The following EHBP1 variants were observed in gnomAD, a reference collection of about 807,000 sequenced individuals.
EHBP1 encodes EH domain-binding protein 1.
In EHBP1, 55 loss-of-function variants were observed where a neutral mutation model predicts 144.0. The ratio of observed to expected loss-of-function variants is 0.38; its 90% CI spans 0.31 to 0.48. The LOEUF is 0.48. Ranked by LOEUF, EHBP1 falls within the 20% of genes least tolerant of loss-of-function variation. The pLI is 0.98. For synonymous variants in EHBP1, 469 were observed against 472.7 expected (o/e 0.99, Z 0.10); for missense variants, 1,200 against 1,364.2 (o/e 0.88, Z 1.90).
At chr2:62,690,534 G>A (rs2033871651) in intron 1 of EHBP1, among the ~76,000 whole-genome samples, 1 of 152,094 alleles carries the variant, frequency 6.6e-6, no homozygotes, top group Non-Finnish European at 1.5e-5. Context: ...CTGCACTCCA[G>A]CCTGGGCGAC....
At chr2:62,826,849 T>G (rs2152618059) in intron 6 of EHBP1, among the ~76,000 whole-genome samples, 1 of 152,242 alleles carries the variant, frequency 6.6e-6, no homozygotes, top group South Asian at 2.1e-4. Flanking sequence ...AATTCTAACT[T>G]GACAAAATGA....
At chr2:62,912,091 T>A (rs2054267724) in intron 10 of EHBP1, among the ~76,000 whole-genome samples, 1 of 152,090 alleles carries the variant, frequency 6.6e-6, no homozygotes, top group African/African-American at 2.4e-5. Context: ...CTAGATAGAT[T>A]ATGTATGTTA....
At chr2:62,923,495 C>A (rs1446576580) in intron 10 of EHBP1, among the ~76,000 whole-genome samples, 2 of 152,174 alleles carry the variant, frequency 1.3e-5, no homozygotes, top group Admixed American at 1.3e-4. Context: ...GGCCCCATGC[C>A]CACAGCAAGA....
At chr2:62,752,249 C>T (rs1162101000) in intron 3 of EHBP1, among the ~76,000 whole-genome samples, 7 of 152,200 alleles carry the variant, frequency 4.6e-5, no homozygotes, top group Middle Eastern at 6.8e-3. Flanking sequence ...TACCCAGTAG[C>T]CATTCAGGAG....
intron 19 of EHBP1, among the ~76,000 whole-genome samples, chr2:63,019,852 G>GAAGGAAGGAAGGAAGGA (rs1380794000): frequency 7.8e-6 from 1 of 128,788 alleles, no homozygotes; most frequent in African/African-American, 2.9e-5. Context: ...AGGAAGGAAG[G>GAAGGAAGGAAGGAAGGA]AAGGAAGGAA....
chr2:62,910,360 AG>A (rs1177090167), intron 10 of EHBP1, among the ~76,000 whole-genome samples: 1 of 152,224 alleles, frequency 6.6e-6, no homozygotes, highest in African/African-American at 2.4e-5. Flanking sequence ...AGCCTTGGAA[AG>A]TTGTTGGATA....
rs189409664 is a variant in EHBP1 at position 62,883,821 on chromosome 2, G to A, written c.1185+9289G>A. Among the ~76,000 whole-genome samples, 220 of 152,132 alleles carry A rather than the reference G, an allele frequency of 1.4e-3. 1 individual carries two copies. Among genetic ancestry groups the A allele is most frequent in the African/African-American group, 5.1e-3 (210 of 41,532 alleles). On this transcript the variant is annotated intron_variant, in intron 10 of 22. Transcript: ENST00000431489. The stretch of plus-strand genomic sequence containing the variant: ...TCTACAAAAAAATTAAAATAAAAAC[G>A]TTAGCTGCGCATCATGGCTCACGCC...
chr2:62,683,320 T>C (rs1482993663), intron 1 of EHBP1, among the ~76,000 whole-genome samples: 3 of 152,180 alleles, frequency 2.0e-5, no homozygotes, highest in Non-Finnish European at 4.4e-5. Flanking sequence ...TTCATTGTCT[T>C]GGCTTGGGTC....
At chr2:62,768,313 A>G (rs1369783111) in intron 4 of EHBP1, among the ~76,000 whole-genome samples, 1 of 152,212 alleles carries the variant, frequency 6.6e-6, no homozygotes, top group African/African-American at 2.4e-5. Context: ...AATAAACACA[A>G]TTAGAAATGA....
chr2:62,705,501 T>TA (rs554315489), upstream of EHBP1, among the ~76,000 whole-genome samples: 524 of 150,974 alleles, frequency 3.5e-3, 5 homozygotes, highest in African/African-American at 9.5e-3. Context: ...TTTTTTTTTT[T>TA]AAAAAAAAGG....
chr2:62,835,260 C>G (rs1041767439), intron 7 of EHBP1, among the ~76,000 whole-genome samples: 1 of 152,022 alleles, frequency 6.6e-6, no homozygotes, highest in Non-Finnish European at 1.5e-5. Flanking sequence ...ATTTATATTA[C>G]TTTATTTATA....
At chr2:63,000,977 A>T (rs2059827104) in intron 19 of EHBP1, among the ~76,000 whole-genome samples, 1 of 152,210 alleles carries the variant, frequency 6.6e-6, no homozygotes. Flanking sequence ...ATGTAAGTTT[A>T]GTGCTAATGG....
intron 5 of EHBP1, among the ~76,000 whole-genome samples, chr2:62,773,193 T>A (rs1293343959): frequency 1.3e-5 from 2 of 152,216 alleles, no homozygotes; most frequent in Non-Finnish European, 1.5e-5. Flanking sequence ...TATTCTCACC[T>A]GGAAGATAGA....
At chr2:62,909,148 T>A (rs1261110478) in intron 10 of EHBP1, among the ~76,000 whole-genome samples, 1 of 152,136 alleles carries the variant, frequency 6.6e-6, no homozygotes, top group Non-Finnish European at 1.5e-5. Flanking sequence ...AAGTCTGGGC[T>A]TTTAGTGTAA....
At chr2:62,894,879 C>G (rs1302920291) in intron 10 of EHBP1, among the ~76,000 whole-genome samples, 2 of 150,656 alleles carry the variant, frequency 1.3e-5, no homozygotes, top group Non-Finnish European at 3.0e-5. Context: ...GATTGCCCCA[C>G]TGCACTGTAG....
At chr2:62,834,963 A>AT (rs963566079) in intron 7 of EHBP1, among the ~76,000 whole-genome samples, 7 of 152,050 alleles carry the variant, frequency 4.6e-5, no homozygotes, top group African/African-American at 1.2e-4. Flanking sequence ...TTTATAGTTT[A>AT]TTTTTTTAAA....
At chr2:62,949,532 A>C (rs905369056) in intron 13 of EHBP1, among the ~76,000 whole-genome samples, 4 of 152,242 alleles carry the variant, frequency 2.6e-5, no homozygotes, top group African/African-American at 9.6e-5. Context: ...AAATTGAAGG[A>C]TAAAGAATGT....
At chr2:62,751,313 C>A (rs1238940657) in intron 3 of EHBP1, among the ~76,000 whole-genome samples, 1 of 152,162 alleles carries the variant, frequency 6.6e-6, no homozygotes, top group African/African-American at 2.4e-5. Context: ...TTGAAACAGC[C>A]TTGCATTCCA....
rs764517183 is a variant in EHBP1 at position 62,942,943 on chromosome 2, A to C, written c.1364+47A>C. On this transcript the variant is annotated intron_variant, in intron 11 of 22. Coordinates refer to ENST00000431489, the MANE Select transcript of EHBP1 (RefSeq NM_001142616.3). ...TCCCTATATTTTGTAAGTGATAGAC[A>C]TTTTTGAAAAGAACATAAAATAATT... The C allele has an allele frequency of 1.5e-4, 198 of 1,331,592 alleles. 1 individual carries two copies. The Middle Eastern group carries it at 0.01, about 69-fold the overall frequency. The allele number at this position is 1,331,592 out of a possible 1,614,324, so 82.5% of individuals were successfully genotyped here.
Sources: gnomAD v4.1 joint callset for allele counts (sites outside exome capture counted in the v4.1 genomes callset) on GRCh38, gnomAD v4.1.1 for gene constraint, MANE v1.5 for transcripts, NCBI Gene and HGNC (gene_info 2026-07-23, HGNC 2026-07-21) for gene names.